KIF1B: variants seen among roughly 807,000 people sequenced by gnomAD.
KIF1B encodes the protein kinesin-like protein KIF1B.
Under a neutral mutation model 241.9 loss-of-function variants are expected in KIF1B, and 76 were observed. The ratio of observed to expected loss-of-function variants is 0.31; its 90% CI spans 0.26 to 0.38. KIF1B has a LOEUF of 0.38. Among genes scored for constraint, KIF1B ranks in the 10% least tolerant of loss-of-function variants. The pLI, the probability that KIF1B is intolerant of heterozygous loss-of-function variation, is 1.00. For missense variants in KIF1B, 1,622 were observed against 2,271.4 expected, an observed-to-expected ratio of 0.71 and a Z score of 5.81; for synonymous variants, 750 against 796.7, an observed-to-expected ratio of 0.94 and a Z score of 0.99.
At chr1:10,233,268 T>C (rs1647005280) in intron 2 of KIF1B, among the ~76,000 whole-genome samples, 1 of 152,210 alleles carries the variant, frequency 6.6e-6, no homozygotes, top group African/African-American at 2.4e-5. Flanking sequence ...GCTCCACTGC[T>C]TATACTCTTC....
chr1:10,279,734 TCA>T (rs1649312773), intron 14 of KIF1B, among the ~76,000 whole-genome samples: 1 of 129,646 alleles, frequency 7.7e-6, no homozygotes, highest in South Asian at 2.6e-4. Flanking sequence ...CTCACTCTTG[TCA>T]CCCAAGCTGG....
At chr1:10,363,382 T>G in intron 41 of KIF1B, 38 bp downstream of exon 41, 1 of 1,524,378 alleles carries the variant, frequency 6.6e-7, no homozygotes, top group Non-Finnish European at 9.1e-7. Context: ...TAGTTATCTT[T>G]GTGTATGTTT....
At position 10,370,977 on chromosome 1, in the gene KIF1B, A is replaced by G. The variant is rs572867219; in HGVS notation, c.4825-164A>G. ...GGCCTTGTCTCTTAAAATTTTACCT[A>G]TGTATTTATTTATTGATAAATTATG... On this transcript the variant is annotated intron_variant, in intron 44 of 48. Coordinates refer to ENST00000676179, the MANE Select transcript of KIF1B (RefSeq NM_001365951.3). Among the ~76,000 whole-genome samples the G allele has an allele frequency of 1.9e-4, 29 of 152,166 alleles. No individual in the cohort carries two copies. The South Asian group carries it at 2.7e-3, about 14-fold the overall frequency.
rs1252653648 is a variant in KIF1B at position 10,326,382 on chromosome 1, A to G, written c.2924+23A>G. On this transcript the variant is annotated intron_variant, in intron 27 of 48. Transcript: ENST00000676179. This position sits in a 1 kb window ranked among gnomAD's most constrained non-coding sequence, Gnocchi z 5.2. ...AAGGTTGGTGAGGTTATTGTGAGAA[A>G]GGCGAAAAGGGACCAGCTCTTGCTC... 5.6e-6 allele frequency: 9 copies of G among 1,613,798 alleles called. No homozygotes were observed. The highest frequency in any genetic ancestry group is 7.6e-6 in the Non-Finnish European group (9 of 1,180,028).
chr1:10,365,702 G>C lies in KIF1B; in HGVS notation c.4752+54G>C. 6.2e-7 allele frequency: 1 copy of C among 1,610,784 alleles called. No individual in the cohort carries two copies. Among genetic ancestry groups the C allele is most frequent in the Non-Finnish European group, 8.5e-7 (1 of 1,179,338 alleles). ...TCTTCCCACAAGGCTCCACAAACTA[G>C]CCTCTCGGTTTATTCATTTTCAACA... is the stretch of plus-strand genomic sequence containing the variant. On this transcript the variant is annotated intron_variant, in intron 43 of 48. Coordinates refer to ENST00000676179, the MANE Select transcript of KIF1B (RefSeq NM_001365951.3). The surrounding 1 kb of genome is among the most constrained non-coding windows in gnomAD (Gnocchi z 4.0).
At chr1:10,277,596 C>G (rs1649185701) in intron 12 of KIF1B, among the ~76,000 whole-genome samples, 1 of 152,146 alleles carries the variant, frequency 6.6e-6, no homozygotes, top group African/African-American at 2.4e-5. Context: ...CACTTGGCCT[C>G]CTAAAGTGTT....
At chr1:10,249,553 A>T (rs531602095) in intron 2 of KIF1B, among the ~76,000 whole-genome samples, 1 of 152,280 alleles carries the variant, frequency 6.6e-6, no homozygotes, top group East Asian at 1.9e-4. Context: ...AGCATCAGAG[A>T]TTTGTTGACA....
chr1:10,261,807 G>C, intron 4 of KIF1B, 98 bp from the exon 5 acceptor site: 1 of 788,312 alleles, frequency 1.3e-6, no homozygotes, highest in Non-Finnish European at 2.3e-6. Context: ...TTGAGATGGA[G>C]CAAGAAAGGA....
intron 31 of KIF1B, among the ~76,000 whole-genome samples, chr1:10,338,750 C>G (rs149661349): frequency 7.2e-4 from 109 of 152,376 alleles, no homozygotes; most frequent in African/African-American, 2.5e-3. Flanking sequence ...AGTCGCTCCT[C>G]TGGCCTGTGC....
At chr1:10,301,032 A>C (rs1650515814) in intron 22 of KIF1B, among the ~76,000 whole-genome samples, 1 of 152,220 alleles carries the variant, frequency 6.6e-6, no homozygotes, top group African/African-American at 2.4e-5. Flanking sequence ...GAAAGTGACT[A>C]TACAGGCAAA....
At chr1:10,338,563 T>TA (rs1307120444) in intron 31 of KIF1B, among the ~76,000 whole-genome samples, 1 of 152,256 alleles carries the variant, frequency 6.6e-6, no homozygotes, top group East Asian at 1.9e-4. Flanking sequence ...AGGCAACTGA[T>TA]ACGTTTTATG....
intron 22 of KIF1B, among the ~76,000 whole-genome samples, chr1:10,314,406 T>A (rs952167607): frequency 2.0e-5 from 3 of 151,164 alleles, no homozygotes; most frequent in African/African-American, 4.9e-5. Flanking sequence ...GCAGTTAAAG[T>A]TTTTTGTTTG....
chr1:10,219,965 G>A (rs951131868), intron 1 of KIF1B, among the ~76,000 whole-genome samples: 14 of 151,886 alleles, frequency 9.2e-5, no homozygotes, highest in African/African-American at 3.4e-4. Context: ...CACTTTGGGA[G>A]GCTGAGGCAG....
At position 10,264,362 on chromosome 1, in the gene KIF1B, G is replaced by C. The variant is rs1260045315; in HGVS notation, c.429+2392G>C. On this transcript the variant is annotated intron_variant, in intron 5 of 48. Transcript: ENST00000676179. ...TGCCAGGTGGCATCTGGAGTGGTTG[G>C]TGCAGAAGTAAAAGAAATGATGATG... 2.6e-5 allele frequency among the ~76,000 whole-genome samples: 4 copies of C among 152,198 alleles called. No individual in the cohort carries two copies. The East Asian group carries it at 7.7e-4, about 29-fold the overall frequency.
At position 10,360,792 on chromosome 1, in the gene KIF1B, C is replaced by T. The variant is rs891914718; in HGVS notation, c.4056-137C>T. On this transcript the variant is annotated intron_variant, in intron 38 of 48. Transcript: ENST00000676179. ...CCTCCTAGGAGATAAGGGTTCCTCT[C>T]TGTTATTAGAGTTTGATAAACTGAA... 38 of 720,330 alleles carry T rather than the reference C, an allele frequency of 5.3e-5. No individual in the cohort carries two copies. The African/African-American group carries it at 6.1e-4, about 12-fold the overall frequency. The allele number at this position is 720,330 out of a possible 1,614,324, so 44.6% of individuals were successfully genotyped here.
At position 10,380,444 on chromosome 1, in the gene KIF1B, G is replaced by C. The variant is rs536529721; in HGVS notation, c.*3857G>C. The C allele has an allele frequency of 5.4e-6, 1 of 186,308 alleles. No homozygotes were observed. Among genetic ancestry groups the C allele is most frequent in the South Asian group, 1.9e-4 (1 of 5,132 alleles). 11.5% of individuals were successfully genotyped at this position (186,308 alleles called of 1,614,324 possible). A position where few individuals can be genotyped will look rare whatever the true frequency, so the allele number is the denominator to read the frequency against. ...GATTCAACCGGGTGTGGTGGCTCAC[G>C]CCTGTAATCCCAGCACATTGGGAGG... is the stretch of plus-strand genomic sequence containing the variant. On this transcript the variant is annotated 3_prime_UTR_variant, in exon 49 of 49. Coordinates refer to ENST00000676179, the MANE Select transcript of KIF1B (RefSeq NM_001365951.3).
At chr1:10,358,088 C>T (rs975649066) in intron 38 of KIF1B, among the ~76,000 whole-genome samples, 4 of 128,926 alleles carry the variant, frequency 3.1e-5, no homozygotes, top group Admixed American at 7.9e-5. Flanking sequence ...GAACTTGCTG[C>T]AGCAAGTCCA....
chr1:10,379,499 T>C lies in KIF1B; in HGVS notation c.*2912T>C, dbSNP rs1275042170. The stretch of plus-strand genomic sequence containing the variant: ...CCTTGCCCGACAGAACCATCCCCAC[T>C]GTGAGGCTGTGAGAGATTTGTGGCA... On this transcript the variant is annotated 3_prime_UTR_variant, in exon 49 of 49. Coordinates refer to ENST00000676179, the MANE Select transcript of KIF1B (RefSeq NM_001365951.3). 1.7e-5 allele frequency: 4 copies of C among 231,602 alleles called. No homozygotes were observed. The highest frequency in any genetic ancestry group is 2.6e-5 in the Non-Finnish European group (3 of 116,986). The allele number at this position is 231,602 out of a possible 1,614,324, so 14.3% of individuals were successfully genotyped here.
At chr1:10,212,931 T>TATACAC (rs1384450222) in intron 1 of KIF1B, among the ~76,000 whole-genome samples, 1 of 86,498 alleles carries the variant, frequency 1.2e-5, no homozygotes, top group Non-Finnish European at 2.2e-5. Context: ...TATATATATA[T>TATACAC]ACACACACAC....
Sources: allele counts gnomAD v4.1 joint callset (sites outside exome capture counted in the v4.1 genomes callset), GRCh38; gene constraint gnomAD v4.1.1; non-coding constraint Gnocchi (gnomAD v3.1); transcripts MANE v1.5; gene names NCBI Gene and HGNC (gene_info 2026-07-23, HGNC 2026-07-21).